CTNNA3: variants seen among roughly 807,000 people sequenced by gnomAD.
CTNNA3 encodes the protein catenin alpha 3.
CTNNA3 carries 76 observed loss-of-function variants against 95.7 expected under a neutral mutation model. The ratio of observed to expected loss-of-function variants is 0.79; its 90% CI spans 0.66 to 0.96. The LOEUF (loss-of-function observed/expected upper bound fraction) is 0.96. Ranked by LOEUF, CTNNA3 falls within the 40% of genes least tolerant of loss-of-function variation. CTNNA3 has a pLI of 0.00. For missense variants in CTNNA3, 1,191 were observed against 1,089.8 expected, an observed-to-expected ratio of 1.09 and a Z score of -1.31; for synonymous variants, 431 against 374.4, an observed-to-expected ratio of 1.15 and a Z score of -1.74.
chr10:67,489,152 A>G (rs2133074344), intron 5 of CTNNA3, among the ~76,000 whole-genome samples: 1 of 152,326 alleles, frequency 6.6e-6, no homozygotes, highest in Non-Finnish European at 1.5e-5. Context: ...AATTATTTCT[A>G]TATCCCTGTT....
chr10:67,239,656 A>T (rs1865642442), intron 5 of CTNNA3, among the ~76,000 whole-genome samples: 1 of 152,172 alleles, frequency 6.6e-6, no homozygotes, highest in Non-Finnish European at 1.5e-5. Context: ...TAATTAAAAA[A>T]GCTTCACATA....
At chr10:66,790,858 G>A (rs1186168256) in intron 7 of CTNNA3, among the ~76,000 whole-genome samples, 1 of 152,110 alleles carries the variant, frequency 6.6e-6, no homozygotes, top group East Asian at 1.9e-4. Context: ...CAGCCGTGAA[G>A]TGCCATAAGC....
intron 11 of CTNNA3, among the ~76,000 whole-genome samples, chr10:66,484,994 T>C (rs1424212803): frequency 1.3e-5 from 2 of 152,070 alleles, no homozygotes; most frequent in Non-Finnish European, 2.9e-5. Context: ...ACTATATGGT[T>C]ATATCAATAA....
chr10:66,413,775 A>G (rs2132605474), intron 11 of CTNNA3, among the ~76,000 whole-genome samples: 1 of 152,334 alleles, frequency 6.6e-6, no homozygotes, highest in Non-Finnish European at 1.5e-5. Context: ...CCCACAAAGG[A>G]AAGTGTGGAT....
chr10:67,423,173 G>A (rs1178644413), intron 5 of CTNNA3, among the ~76,000 whole-genome samples: 1 of 152,012 alleles, frequency 6.6e-6, no homozygotes, highest in African/African-American at 2.4e-5. Flanking sequence ...CCTTCTTCAG[G>A]AAACAGCACC....
At chr10:66,300,679 T>C (rs1268039309) in intron 12 of CTNNA3, among the ~76,000 whole-genome samples, 1 of 151,754 alleles carries the variant, frequency 6.6e-6, no homozygotes, top group African/African-American at 2.4e-5. Context: ...TTCTACAAAA[T>C]GCTTGCCCAG....
intron 11 of CTNNA3, among the ~76,000 whole-genome samples, chr10:66,451,886 G>A (rs561253890): frequency 2.6e-5 from 4 of 152,306 alleles, no homozygotes; most frequent in African/African-American, 7.2e-5. Flanking sequence ...TTTCAAGGAT[G>A]TTATCTATAA....
At chr10:66,753,879 A>G (rs1839264181) in intron 9 of CTNNA3, among the ~76,000 whole-genome samples, 1 of 152,066 alleles carries the variant, frequency 6.6e-6, no homozygotes, top group South Asian at 2.1e-4. Context: ...GAAAAAAATT[A>G]AAGGAGATCT....
intron 10 of CTNNA3, among the ~76,000 whole-genome samples, chr10:66,593,481 T>A (rs1349375407): frequency 6.6e-6 from 1 of 152,136 alleles, no homozygotes; most frequent in African/African-American, 2.4e-5. Context: ...TTCTGTTTCT[T>A]TAGATCTAGG....
intron 2 of CTNNA3, among the ~76,000 whole-genome samples, chr10:67,636,027 G>C (rs191295284): frequency 1.9e-4 from 29 of 152,094 alleles, no homozygotes; most frequent in Middle Eastern, 3.4e-3. Context: ...TGAACAATAG[G>C]CAATCAGAGA....
intron 10 of CTNNA3, among the ~76,000 whole-genome samples, chr10:66,525,915 G>T (rs1475636395): frequency 6.6e-6 from 1 of 151,910 alleles, no homozygotes; most frequent in African/African-American, 2.4e-5. Context: ...TTGTTCTTTT[G>T]TGTCTGGCTT....
intron 7 of CTNNA3, among the ~76,000 whole-genome samples, chr10:67,120,802 A>G (rs1302435517): frequency 6.6e-6 from 1 of 152,038 alleles, no homozygotes; most frequent in East Asian, 1.9e-4. Flanking sequence ...GTAATGCGTA[A>G]GTCTTTCCTA....
At chr10:66,598,495 C>T (rs927813632) in intron 10 of CTNNA3, among the ~76,000 whole-genome samples, 5 of 151,966 alleles carry the variant, frequency 3.3e-5, no homozygotes, top group Middle Eastern at 3.4e-3. Context: ...ACAACATGGT[C>T]TTATATATAG....
intron 5 of CTNNA3, among the ~76,000 whole-genome samples, chr10:67,475,621 C>A (rs1481250194): frequency 6.6e-6 from 1 of 152,070 alleles, no homozygotes; most frequent in Non-Finnish European, 1.5e-5. Context: ...TTTTAAGATT[C>A]CAGTCAAAAA....
chr10:67,714,017 C>A (rs775010845), intron 1 of CTNNA3, among the ~76,000 whole-genome samples: 4 of 151,772 alleles, frequency 2.6e-5, no homozygotes, highest in Non-Finnish European at 5.9e-5. Context: ...TACGGAAATG[C>A]CTAGATGTCC....
intron 12 of CTNNA3, among the ~76,000 whole-genome samples, chr10:66,315,888 A>G (rs928668688): frequency 2.0e-5 from 3 of 152,124 alleles, no homozygotes; most frequent in African/African-American, 7.2e-5. Flanking sequence ...GTCTGAAAAG[A>G]TTTTAAAGTC....
intron 3 of CTNNA3, among the ~76,000 whole-genome samples, chr10:67,574,634 G>A (rs1464836603): frequency 6.9e-6 from 1 of 145,640 alleles, no homozygotes; most frequent in Non-Finnish European, 1.5e-5. Flanking sequence ...AGGCTGGAGT[G>A]CAGTGGTGCG....
chr10:67,705,050 G>T (rs1332604699), intron 1 of CTNNA3, among the ~76,000 whole-genome samples: 1 of 152,180 alleles, frequency 6.6e-6, no homozygotes, highest in African/African-American at 2.4e-5. Context: ...CTGGCCATCA[G>T]AGAAATGCAA....
At chr10:67,696,285 A>G (rs1286184833), upstream of CTNNA3, 2 of 152,206 alleles carry the variant, frequency 1.3e-5, no homozygotes, top group East Asian at 3.9e-4. Context: ...CTTCGTTGAA[A>G]AAGGCCAGAC....
Sources: allele counts gnomAD v4.1 joint callset (sites outside exome capture counted in the v4.1 genomes callset), GRCh38; gene constraint gnomAD v4.1.1; transcripts MANE v1.5; gene names NCBI Gene and HGNC (gene_info 2026-07-23, HGNC 2026-07-21).